ANKRD40: variants seen among roughly 807,000 people sequenced by gnomAD.
The protein encoded by ANKRD40 is ankyrin repeat domain-containing protein 40.
Under a neutral mutation model 35.5 loss-of-function variants are expected in ANKRD40, and 24 were observed. The observed-to-expected ratio is 0.68, with a 90% CI of 0.49 to 0.95. ANKRD40 has a LOEUF of 0.95. Among genes scored for constraint, ANKRD40 ranks in the 40% least tolerant of loss-of-function variants. The pLI is 0.00. For missense variants in ANKRD40, 361 were observed against 436.0 expected (o/e 0.83, Z 1.53); for synonymous variants, 147 against 173.5 (o/e 0.85, Z 1.20).
chr17:50,702,766 T>G (rs1171349011), intron 1 of ANKRD40, among the ~76,000 whole-genome samples: 1 of 152,142 alleles, frequency 6.6e-6, no homozygotes, highest in Non-Finnish European at 1.5e-5. Flanking sequence ...TAAGTCAACA[T>G]AGCGTGGCCC....
intron 1 of ANKRD40, among the ~76,000 whole-genome samples, chr17:50,704,338 A>C (rs1968303980): frequency 2.0e-5 from 3 of 151,958 alleles, no homozygotes; most frequent in Admixed American, 2.0e-4. Context: ...AACATGGTGA[A>C]ACCCCATTTC....
At position 50,707,497 on chromosome 17, in the gene ANKRD40, A is replaced by G. The variant is rs1174981317; in HGVS notation, c.134+24T>C. ...CCTTCCGACCGGCTGCCCTGACCCT[A>G]GGCCTCCCCCGCTCCCCACTTACCA... On this transcript the variant is annotated intron_variant, in intron 1 of 4. Coordinates refer to ENST00000285243, the MANE Select transcript of ANKRD40 (RefSeq NM_052855.4). The surrounding 1 kb of genome is among the most constrained non-coding windows in gnomAD (Gnocchi z 4.8). 3.1e-6 allele frequency: 5 copies of G among 1,600,448 alleles called. No individual in the cohort carries two copies. The East Asian group carries it at 9.4e-5, about 30-fold the overall frequency.
intron 3 of ANKRD40, 117 bp from the exon 4 acceptor site, chr17:50,697,238 A>C: frequency 4.0e-6 from 4 of 997,870 alleles, no homozygotes; most frequent in Non-Finnish European, 5.7e-6. Context: ...GTGCATGATT[A>C]ACAGACCTGT....
rs1968246195 is a variant in ANKRD40 at position 50,699,731 on chromosome 17, G to C, written c.446C>G (p.Ser149Cys). Residue 149 changes from serine (S) to cysteine (C), a missense_variant, in exon 3 of 5, where the codon TCC (serine) becomes TGC (cysteine). By Grantham distance (112) the Ser-to-Cys change is moderately radical. This residue lies in a region of ANKRD40 where 172 missense variants were observed against 174.0 expected (regional missense o/e 0.99). Coordinates refer to ENST00000285243, the MANE Select transcript of ANKRD40 (RefSeq NM_052855.4). ...DSAQMQNGGP[S>C]TPPASPPADG... ...TGCAGGGGGTGATGCAGGGGGTGTGGAGGGGCCCCCATTCTGCATCTGGGC... is the reference window on the plus strand; with the variant it reads ...TGCAGGGGGTGATGCAGGGGGTGTGCAGGGGCCCCCATTCTGCATCTGGGC... 5 of 1,612,780 alleles carry C rather than the reference G, an allele frequency of 3.1e-6. No homozygotes were observed. The highest frequency in any genetic ancestry group is 4.2e-6 in the Non-Finnish European group (5 of 1,179,158).
intron 2 of ANKRD40, chr17:50,700,139 T>G: frequency 5.2e-6 from 2 of 385,652 alleles, no homozygotes; most frequent in Non-Finnish European, 4.5e-6. Flanking sequence ...GGCACAGTAA[T>G]TTGCTTTTAG....
Position 50,695,353 on chromosome 17 carries a change from G to A in ANKRD40, c.*644C>T, listed in dbSNP as rs1293260995. ...CATGAGTGTTTACAAAGGAAAAAGT[G>A]AGGGAGGGAAAGCTCTTTTGGTTAA... On this transcript the variant is annotated 3_prime_UTR_variant, in exon 5 of 5. Transcript: ENST00000285243. 1 of 152,568 alleles carries A rather than the reference G, an allele frequency of 6.6e-6. No individual in the cohort carries two copies. The highest frequency in any genetic ancestry group is 1.5e-5 in the Non-Finnish European group (1 of 68,046). 9.5% of individuals were successfully genotyped at this position (152,568 alleles called of 1,614,324 possible). A position where few individuals can be genotyped will look rare whatever the true frequency, so the allele number is the denominator to read the frequency against.
chr17:50,707,425 A>T lies in ANKRD40; in HGVS notation c.134+96T>A, dbSNP rs1441068359. 7.3e-6 allele frequency: 11 copies of T among 1,509,864 alleles called. No homozygotes were observed. In the Admixed American group the frequency reaches 1.7e-4, roughly 24 times the overall value. 93.5% of individuals were successfully genotyped at this position (1,509,864 alleles called of 1,614,324 possible). ...GGCCCGAGGTGGCAGGCCTCGCCGT[A>T]GCCAGGCGTCCCGCGCTGGGCCCAG... On this transcript the variant is annotated intron_variant, in intron 1 of 4. Coordinates refer to ENST00000285243, the MANE Select transcript of ANKRD40 (RefSeq NM_052855.4). The surrounding 1 kb of genome is among the most constrained non-coding windows in gnomAD (Gnocchi z 4.8).
intron 1 of ANKRD40, among the ~76,000 whole-genome samples, chr17:50,704,515 C>CAAAAAAA (rs892783050): frequency 2.5e-5 from 1 of 40,200 alleles, no homozygotes; most frequent in Non-Finnish European, 5.4e-5. Flanking sequence ...AACTCCATCT[C>CAAAAAAA]AAAAAAAAAA....
chr17:50,707,727 G>T lies in ANKRD40; in HGVS notation c.-73C>A. Reference sequence around the variant, plus strand: ...CCCGGGGCCTGTCAGCGCCGCCGCCGTCGCCGCGGCCCGCTCCCGGCCATG... The same window carrying T: ...CCCGGGGCCTGTCAGCGCCGCCGCCTTCGCCGCGGCCCGCTCCCGGCCATG... On this transcript the variant is annotated 5_prime_UTR_variant, in exon 1 of 5. Transcript: ENST00000285243. The surrounding 1 kb of genome is among the most constrained non-coding windows in gnomAD (Gnocchi z 4.8). 2 of 1,126,262 alleles carry T rather than the reference G, an allele frequency of 1.8e-6. No individual in the cohort carries two copies. Among genetic ancestry groups the T allele is most frequent in the South Asian group, 4.1e-5 (1 of 24,122 alleles). The allele number at this position is 1,126,262 out of a possible 1,614,324, so 69.8% of individuals were successfully genotyped here.
In ANKRD40 at chr17:50,700,578, C is replaced by A; in HGVS notation, c.273G>T (p.Lys91Asn). ...VQLTSRREIR[K>N]IMGVEEEDDD... ...CAAACACAGACTCACCTCCCATAAT[C>A]TTCCTGATTTCTCTCCTTGATGTTA... The change falls in exon 2 of 5, where the codon AAG becomes AAT. Residue 91 changes from lysine to asparagine, a missense_variant. This residue lies in a region of ANKRD40 where 35 missense variants were observed against 68.4 expected (regional missense o/e 0.51). Coordinates refer to ENST00000285243, the MANE Select transcript of ANKRD40 (RefSeq NM_052855.4). The A allele has an allele frequency of 3.1e-6, 5 of 1,613,708 alleles. No individual in the cohort carries two copies. Among genetic ancestry groups the A allele is most frequent in the Non-Finnish European group, 3.4e-6 (4 of 1,179,776 alleles).
Position 50,695,795 on chromosome 17 carries a change from CTG to C in ANKRD40, c.*200_*201del. 1.9e-6 allele frequency: 1 copy of C among 535,642 alleles called. No homozygotes were observed. 33.2% of individuals were successfully genotyped at this position (535,642 alleles called of 1,614,324 possible). A position where few individuals can be genotyped will look rare whatever the true frequency, so the allele number is the denominator to read the frequency against. The stretch of plus-strand genomic sequence containing the variant: ...TTCAAAGCTTCAAGCAATAGGTTTA[CTG>C]TGCACCAAGAGGCTTGGAAGAGTGG... On this transcript the variant is annotated 3_prime_UTR_variant, in exon 5 of 5. Coordinates refer to ENST00000285243, the MANE Select transcript of ANKRD40 (RefSeq NM_052855.4).
Position 50,707,672 on chromosome 17 carries a change from C to G in ANKRD40, c.-18G>C. ...GCGTTCATCTTCCCACAGCCCCAGG[C>G]CCCCGCCCAGGCCCGCCTGCCCCGC... On this transcript the variant is annotated 5_prime_UTR_variant, in exon 1 of 5. Coordinates refer to ENST00000285243, the MANE Select transcript of ANKRD40 (RefSeq NM_052855.4). This position sits in a 1 kb window ranked among gnomAD's most constrained non-coding sequence, Gnocchi z 4.8. 6.7e-7 allele frequency: 1 copy of G among 1,497,992 alleles called. No homozygotes were observed. Among genetic ancestry groups the G allele is most frequent in the Non-Finnish European group, 8.9e-7 (1 of 1,125,426 alleles). The allele number at this position is 1,497,992 out of a possible 1,614,324, so 92.8% of individuals were successfully genotyped here. A position where few individuals can be genotyped will look rare whatever the true frequency, so the allele number is the denominator to read the frequency against.
Position 50,694,264 on chromosome 17 carries a change from G to A in ANKRD40, c.*1733C>T, listed in dbSNP as rs1219328724. ...GTAAGTCACCAGCAGTAATTGGTGG[G>A]ATACAATTAAGTCACTAAACAGAGT... On this transcript the variant is annotated 3_prime_UTR_variant, in exon 5 of 5. Coordinates refer to ENST00000285243, the MANE Select transcript of ANKRD40 (RefSeq NM_052855.4). The A allele has an allele frequency of 6.6e-6, 1 of 152,126 alleles. No homozygotes were observed. The highest frequency in any genetic ancestry group is 1.5e-5 in the Non-Finnish European group (1 of 68,022). The allele number at this position is 152,126 out of a possible 1,614,324, so 9.4% of individuals were successfully genotyped here. A position where few individuals can be genotyped will look rare whatever the true frequency, so the allele number is the denominator to read the frequency against.
chr17:50,700,840 G>T, intron 1 of ANKRD40, 124 bp from the exon 2 acceptor site: 1 of 836,398 alleles, frequency 1.2e-6, no homozygotes, highest in African/African-American at 1.7e-5. Context: ...TAACCGGGCT[G>T]GTAATCTCAA....
In ANKRD40 at chr17:50,699,505, C is replaced by T. The variant is rs746624306; in HGVS notation, c.672G>A (p.Pro224=). 18 of 1,614,036 alleles carry T rather than the reference C, an allele frequency of 1.1e-5. No individual in the cohort carries two copies. The highest frequency in any genetic ancestry group is 1.6e-4 in the Middle Eastern group (1 of 6,082). The change falls in exon 3 of 5, where the codon CCG becomes CCA. Residue 224 remains proline, a synonymous_variant. Transcript: ENST00000285243. ...SQSRSLFSSV[P]SKPPMSLEPQ... Reference sequence around the variant, plus strand: ...GCTCCAGAGACATTGGTGGCTTGGACGGGACAGAAGAAAACAGGGAGCGGC... The same window carrying T: ...GCTCCAGAGACATTGGTGGCTTGGATGGGACAGAAGAAAACAGGGAGCGGC...
chr17:50,707,006 C>A lies in ANKRD40; in HGVS notation c.134+515G>T, dbSNP rs73989821. ...GCAACTACAGGCAGCAGCAGCAAAT[C>A]GGTTGCAGTGAAACAACAGAGAAGC... On this transcript the variant is annotated intron_variant, in intron 1 of 4. Transcript: ENST00000285243. The surrounding 1 kb of genome is among the most constrained non-coding windows in gnomAD (Gnocchi z 4.8). Among the ~76,000 whole-genome samples the A allele has an allele frequency of 6.7e-6, 1 of 149,696 alleles. No homozygotes were observed. The highest frequency in any genetic ancestry group is 2.5e-5 in the African/African-American group (1 of 40,746).
Position 50,694,925 on chromosome 17 carries a change from C to A in ANKRD40, c.*1072G>T, listed in dbSNP as rs532176769. 1.3e-5 allele frequency: 2 copies of A among 152,160 alleles called. No individual in the cohort carries two copies. The highest frequency in any genetic ancestry group is 2.9e-5 in the Non-Finnish European group (2 of 68,022). 9.4% of individuals were successfully genotyped at this position (152,160 alleles called of 1,614,324 possible). A position where few individuals can be genotyped will look rare whatever the true frequency, so the allele number is the denominator to read the frequency against. On this transcript the variant is annotated 3_prime_UTR_variant, in exon 5 of 5. Transcript: ENST00000285243. ...CTAACTCCTTTAGCTCAGTTTCCCA[C>A]AATAACCTTTAAAATAGCAACAGAT...
Position 50,707,610 on chromosome 17 carries a change from C to T in ANKRD40, c.45G>A (p.Arg15=). 3 of 1,602,742 alleles carry T rather than the reference C, an allele frequency of 1.9e-6. No individual in the cohort carries two copies. The highest frequency in any genetic ancestry group is 1.7e-6 in the Non-Finnish European group (2 of 1,174,924). ...GAATGTCCCCTAAGGCCGCGGCCTC[C>T]CGCAGCCTCTCCTGCTGCTCCTTCT... ...LEQKEQQERL[R]EAAALGDIRE... The change falls in exon 1 of 5, where the codon CGG becomes CGA. Residue 15 remains arginine (R), a synonymous_variant. Transcript: ENST00000285243. This position sits in a 1 kb window ranked among gnomAD's most constrained non-coding sequence, Gnocchi z 4.8.
chr17:50,704,076 G>A (rs963800773), intron 1 of ANKRD40, among the ~76,000 whole-genome samples: 9 of 151,846 alleles, frequency 5.9e-5, no homozygotes, highest in Admixed American at 1.3e-4. Context: ...AGGCAAGCAG[G>A]GTGCCAAGGG....
Sources: allele counts gnomAD v4.1 joint callset (sites outside exome capture counted in the v4.1 genomes callset), GRCh38; gene constraint gnomAD v4.1.1; regional missense constraint gnomAD v4.1.1; non-coding constraint Gnocchi (gnomAD v3.1); transcripts MANE v1.5; gene names NCBI Gene and HGNC (gene_info 2026-07-23, HGNC 2026-07-21).